DMD: variants seen among roughly 807,000 people sequenced by gnomAD.
DMD encodes dystrophin.
DMD carries 63 observed loss-of-function variants against 330.1 expected under a neutral mutation model. That is an observed-to-expected ratio of 0.19 (90% CI 0.16 to 0.24). The LOEUF is 0.24. DMD is among the 10% of genes least tolerant of loss of function. DMD has a pLI of 1.00. For synonymous variants in DMD, 1,223 were observed against 959.8 expected (o/e 1.27, Z -5.07); for missense variants, 3,344 against 2,684.1 (o/e 1.25, Z -5.43).
intron 34 of DMD, among the ~76,000 whole-genome samples, chrX:32,367,905 A>G (rs1257664536): frequency 8.9e-6 from 1 of 111,877 alleles, no homozygotes; most frequent in Non-Finnish European, 1.9e-5. Context: ...GACAATTTAC[A>G]CTCTGTAAAA....
intron 51 of DMD, among the ~76,000 whole-genome samples, chrX:31,768,800 C>T (rs2090160019): frequency 8.9e-6 from 1 of 112,069 alleles, no homozygotes; most frequent in African/African-American, 3.2e-5. Context: ...CTTTGAACTT[C>T]ATGTGTGCTT....
intron 1 of DMD, among the ~76,000 whole-genome samples, chrX:33,082,211 T>A (rs1277984936): frequency 8.9e-6 from 1 of 112,409 alleles, no homozygotes; most frequent in East Asian, 2.8e-4. Flanking sequence ...AGCTTGTTTA[T>A]CCACTCTTAA....
intron 60 of DMD, among the ~76,000 whole-genome samples, chrX:31,402,506 A>C (rs942198871): frequency 8.9e-6 from 1 of 112,039 alleles, no homozygotes; most frequent in African/African-American, 3.2e-5. Flanking sequence ...TCAGTATCCT[A>C]AAGTACAAAA....
chrX:32,700,328 C>T lies in DMD; in HGVS notation c.650-1035G>A, dbSNP rs773955033. ...TAAGCCAGGCACAGAAAGATAAGTA[C>T]CACATGATCTCACTAACACATGGAA... On this transcript the variant is annotated intron_variant, in intron 7 of 78. Coordinates refer to ENST00000357033, the MANE Select transcript of DMD (RefSeq NM_004006.3). Among the ~76,000 whole-genome samples, 198 of 111,026 alleles carry T rather than the reference C, an allele frequency of 1.8e-3. 2 individuals are homozygous for T. The highest frequency in any genetic ancestry group is 4.6e-3 in the Middle Eastern group (1 of 219).
chrX:32,880,805 G>A (rs1445476108), intron 2 of DMD, among the ~76,000 whole-genome samples: 1 of 112,067 alleles, frequency 8.9e-6, no homozygotes, highest in Non-Finnish European at 1.9e-5. Flanking sequence ...TTAGCCAGGT[G>A]TGGTGACGCA....
chrX:32,731,915 T>A (rs1436691496), intron 7 of DMD, among the ~76,000 whole-genome samples: 1 of 112,239 alleles, frequency 8.9e-6, no homozygotes, highest in Non-Finnish European at 1.9e-5. Context: ...GGAGAGAGGA[T>A]GACTTTGACG....
Position 31,957,289 on chromosome X carries a change from T to C in DMD, c.6614+11050A>G, listed in dbSNP as rs1337493685. Among the ~76,000 whole-genome samples the C allele has an allele frequency of 4.5e-5, 5 of 112,183 alleles. No homozygotes were observed. The East Asian group carries it at 1.4e-3, about 31-fold the overall frequency. On this transcript the variant is annotated intron_variant, in intron 45 of 78. Coordinates refer to ENST00000357033, the MANE Select transcript of DMD (RefSeq NM_004006.3). ...CGTTTCCGCTTCTATCAACAAAAAC[T>C]GGGTTCTGTTATTCACAGCTATGAA...
At position 33,042,721 on chromosome X, in the gene DMD, A is replaced by C. The variant is rs1217894881; in HGVS notation, c.32-22521T>G. On this transcript the variant is annotated intron_variant, in intron 1 of 78. Transcript: ENST00000357033. ...CACAGCCTGTTGCTCTAATTATTTG[A>C]GGTTTTTTATGTGTTGTTGTTTTAG... 2.7e-5 allele frequency among the ~76,000 whole-genome samples: 3 copies of C among 112,031 alleles called. No homozygotes were observed. In the East Asian group the frequency reaches 8.4e-4, roughly 31 times the overall value.
At position 32,492,149 on chromosome X, in the gene DMD, T is replaced by A. The variant is rs771764242; in HGVS notation, c.2381-631A>T. Among the ~76,000 whole-genome samples, 17 of 111,706 alleles carry A rather than the reference T, an allele frequency of 1.5e-4. No homozygotes were observed. The South Asian group carries it at 6.3e-3, about 42-fold the overall frequency. ...ATCGGGAGATCAAGACCATCCTGGC[T>A]AACACGGTGAAACCCCGTCTCTACT... On this transcript the variant is annotated intron_variant, in intron 19 of 78. Transcript: ENST00000357033.
intron 1 of DMD, among the ~76,000 whole-genome samples, chrX:33,300,680 G>A (rs73623941): frequency 2.2e-4 from 25 of 111,629 alleles, no homozygotes; most frequent in South Asian, 7.4e-4. Flanking sequence ...CTCAGTGAGC[G>A]TGCCTGCACC....
chrX:31,155,872 T>A (rs1400803251), intron 74 of DMD, among the ~76,000 whole-genome samples: 2 of 109,614 alleles, frequency 1.8e-5, no homozygotes, highest in Non-Finnish European at 3.8e-5. Flanking sequence ...GCCTGTAGTC[T>A]CAGCTACTCA....
At chrX:31,313,820 T>C (rs781561713) in intron 62 of DMD, among the ~76,000 whole-genome samples, 1 of 109,961 alleles carries the variant, frequency 9.1e-6, no homozygotes, top group South Asian at 3.9e-4. Flanking sequence ...TTCCTTTTTT[T>C]TTTTTTTAAC....
At chrX:31,748,213 A>G (rs932653728) in intron 51 of DMD, among the ~76,000 whole-genome samples, 8 of 112,116 alleles carry the variant, frequency 7.1e-5, no homozygotes, top group African/African-American at 2.6e-4. Flanking sequence ...AAACTACAAA[A>G]CTAGGTAGCC....
intron 7 of DMD, among the ~76,000 whole-genome samples, chrX:32,733,194 A>G (rs1173116947): frequency 9.0e-6 from 1 of 111,356 alleles, no homozygotes; most frequent in Non-Finnish European, 1.9e-5. Flanking sequence ...AAAGGAATCA[A>G]TTCAACAGGA....
intron 63 of DMD, among the ~76,000 whole-genome samples, chrX:31,234,415 T>G: frequency 8.9e-6 from 1 of 112,524 alleles, no homozygotes. Context: ...ACTAAATGAT[T>G]GTGCTGCCAA....
chrX:31,886,013 T>G (rs897554230), intron 47 of DMD, among the ~76,000 whole-genome samples: 1 of 110,773 alleles, frequency 9.0e-6, no homozygotes, highest in Non-Finnish European at 1.9e-5. Flanking sequence ...GTCATTTATT[T>G]TATAATAGAA....
chrX:32,150,257 G>A (rs1354942645), intron 44 of DMD, among the ~76,000 whole-genome samples: 1 of 112,329 alleles, frequency 8.9e-6, no homozygotes, highest in East Asian at 2.8e-4. Flanking sequence ...ACAGGGTAAT[G>A]TGTTCAAAGC....
intron 47 of DMD, among the ~76,000 whole-genome samples, chrX:31,911,314 TATG>T (rs2094543550): frequency 8.9e-6 from 1 of 112,180 alleles, no homozygotes; most frequent in Non-Finnish European, 1.9e-5. Flanking sequence ...CTAAAAAAAT[TATG>T]ATAACTAATA....
chrX:32,648,728 T>C (rs773085449), intron 9 of DMD, among the ~76,000 whole-genome samples: 39 of 112,104 alleles, frequency 3.5e-4, no homozygotes, highest in Non-Finnish European at 6.8e-4. Context: ...CATTTTAAAA[T>C]AAAACGATGT....
Sources: gnomAD v4.1 joint callset for allele counts (sites outside exome capture counted in the v4.1 genomes callset) on GRCh38, gnomAD v4.1.1 for gene constraint, MANE v1.5 for transcripts, NCBI Gene and HGNC (gene_info 2026-07-23, HGNC 2026-07-21) for gene names.